The following APP variants were observed in gnomAD, a reference collection of about 807,000 sequenced individuals.
APP encodes the protein amyloid-beta precursor protein.
A neutral mutation model predicts 101.4 loss-of-function variants in APP; 31 were observed. The observed-to-expected ratio is 0.31, with a 90% CI of 0.23 to 0.41. The LOEUF (loss-of-function observed/expected upper bound fraction) is 0.41. Among genes scored for constraint, APP ranks in the 10% least tolerant of loss-of-function variants. APP has a pLI of 1.00. For missense variants in APP, 839 were observed against 1,003.7 expected (o/e 0.84, Z 2.22); for synonymous variants, 366 against 364.4 (o/e 1.00, Z -0.05).
At chr21:25,892,964 A>AAAAAAC (rs1555889466) in intron 16 of APP, among the ~76,000 whole-genome samples, 7 of 151,224 alleles carry the variant, frequency 4.6e-5, no homozygotes, top group African/African-American at 1.7e-4. Flanking sequence ...AAAAAAAACA[A>AAAAAAC]AAAGGTTTCT....
intron 13 of APP, among the ~76,000 whole-genome samples, chr21:25,947,211 A>AT (rs1319054322): frequency 6.6e-6 from 1 of 152,230 alleles, no homozygotes; most frequent in Non-Finnish European, 1.5e-5. Context: ...TACAGATTCC[A>AT]TAATTAAGCT....
chr21:25,912,947 C>T (rs773607848), intron 13 of APP, among the ~76,000 whole-genome samples: 34 of 151,992 alleles, frequency 2.2e-4, no homozygotes, highest in Non-Finnish European at 4.1e-4. Flanking sequence ...AATTAGAGAC[C>T]GACAGACAGC....
intron 3 of APP, among the ~76,000 whole-genome samples, chr21:26,081,615 A>G (rs2061601019): frequency 6.6e-6 from 1 of 152,188 alleles, no homozygotes; most frequent in Non-Finnish European, 1.5e-5. Flanking sequence ...GAATACGTGC[A>G]GGTCACAGGG....
Position 26,105,119 on chromosome 21 carries a change from A to C in APP, c.225+6860T>G, listed in dbSNP as rs2062153715. 2.6e-5 allele frequency among the ~76,000 whole-genome samples: 4 copies of C among 152,004 alleles called. No individual in the cohort carries two copies. The South Asian group carries it at 8.3e-4, about 32-fold the overall frequency. Reference sequence around the variant, plus strand: ...AAGAATTTGCCCAATGACAGATACCAGAATACCGTGAATTTTCATGGTGCT... The same window carrying C: ...AAGAATTTGCCCAATGACAGATACCCGAATACCGTGAATTTTCATGGTGCT... On this transcript the variant is annotated intron_variant, in intron 2 of 17. Coordinates refer to ENST00000346798, the MANE Select transcript of APP (RefSeq NM_000484.4).
chr21:25,987,546 C>A (rs2042684964), intron 8 of APP, among the ~76,000 whole-genome samples: 1 of 152,176 alleles, frequency 6.6e-6, no homozygotes, highest in South Asian at 2.1e-4. Context: ...TAATAGTGAT[C>A]ATGTGTATCT....
intron 3 of APP, among the ~76,000 whole-genome samples, chr21:26,065,480 A>G (rs956100921): frequency 2.0e-5 from 3 of 152,198 alleles, no homozygotes; most frequent in South Asian, 4.1e-4. Context: ...AAATTCAAGA[A>G]TTTCAAAATT....
At chr21:26,055,754 C>T (rs1236659332) in intron 3 of APP, among the ~76,000 whole-genome samples, 2 of 152,136 alleles carry the variant, frequency 1.3e-5, no homozygotes, top group Non-Finnish European at 2.9e-5. Context: ...AGATTAAATG[C>T]CTGTCATGTA....
chr21:25,944,218 G>A (rs891268238), intron 13 of APP, among the ~76,000 whole-genome samples: 1 of 152,196 alleles, frequency 6.6e-6, no homozygotes, highest in African/African-American at 2.4e-5. Flanking sequence ...TGAAGTCAAT[G>A]AATCCATCAA....
chr21:26,067,049 C>G (rs1396416224), intron 3 of APP, among the ~76,000 whole-genome samples: 1 of 152,168 alleles, frequency 6.6e-6, no homozygotes, highest in African/African-American at 2.4e-5. Context: ...AGATATAGTT[C>G]TGGACCAAAA....
intron 9 of APP, 152 bp from the exon 10 acceptor site, chr21:25,976,180 T>C: frequency 1.6e-6 from 1 of 639,088 alleles, no homozygotes; most frequent in Non-Finnish European, 2.8e-6. Context: ...GAAGAATATT[T>C]GACCTCCCAC....
intron 3 of APP, among the ~76,000 whole-genome samples, chr21:26,083,045 G>C (rs1285193029): frequency 6.6e-6 from 1 of 152,118 alleles, no homozygotes; most frequent in Non-Finnish European, 1.5e-5. Flanking sequence ...AAAAATCATA[G>C]CTAAATGTAG....
chr21:25,936,587 C>CT (rs2040373793), intron 13 of APP, among the ~76,000 whole-genome samples: 2 of 152,208 alleles, frequency 1.3e-5, no homozygotes, highest in Admixed American at 1.3e-4. Flanking sequence ...CTCTTTCTCT[C>CT]TGAGAAAGAC....
intron 1 of APP, among the ~76,000 whole-genome samples, chr21:26,164,719 G>A (rs425860): frequency 0.033 from 5,080 of 152,006 alleles, 220 homozygotes; most frequent in East Asian, 0.2. Flanking sequence ...AGCTGGGCAT[G>A]GTGGCGAGTG....
At chr21:26,045,198 T>C (rs1028781567) in intron 5 of APP, among the ~76,000 whole-genome samples, 1 of 152,338 alleles carries the variant, frequency 6.6e-6, no homozygotes, top group Middle Eastern at 3.4e-3. Flanking sequence ...GATGGCTATA[T>C]TCTCTCTTCA....
At chr21:26,058,146 C>T (rs559782716) in intron 3 of APP, among the ~76,000 whole-genome samples, 65 of 152,296 alleles carry the variant, frequency 4.3e-4, no homozygotes, top group African/African-American at 1.4e-3. Flanking sequence ...GTTTTATCCT[C>T]GTGTTTTATG....
chr21:26,049,200 G>A (rs2045734978), intron 5 of APP, among the ~76,000 whole-genome samples: 1 of 152,136 alleles, frequency 6.6e-6, no homozygotes, highest in Non-Finnish European at 1.5e-5. Flanking sequence ...GAGGGAGACT[G>A]AAAATGCAAG....
rs572651381 is a variant in APP at position 26,154,911 on chromosome 21, T to C, written c.57+15653A>G. On this transcript the variant is annotated intron_variant, in intron 1 of 17. Coordinates refer to ENST00000346798, the MANE Select transcript of APP (RefSeq NM_000484.4). ...TGTCCAATACAGTAACCACTAGCCA[T>C]CTGTGGCTACTAAGTACTTGACATG... Among the ~76,000 whole-genome samples the C allele has an allele frequency of 1.2e-4, 19 of 152,342 alleles. No individual in the cohort carries two copies. In the South Asian group the frequency reaches 3.7e-3, roughly 30 times the overall value.
intron 2 of APP, among the ~76,000 whole-genome samples, chr21:26,102,861 G>C (rs1419185690): frequency 3.2e-5 from 4 of 125,068 alleles, no homozygotes; most frequent in Non-Finnish European, 6.2e-5. Context: ...CTGCACTCCA[G>C]CCTGGTTGAT....
intron 15 of APP, among the ~76,000 whole-genome samples, chr21:25,901,295 TTAAAAAAA>T (rs1173517168): frequency 1.3e-4 from 10 of 75,298 alleles, no homozygotes; most frequent in South Asian, 3.7e-4. Flanking sequence ...AAATCCTGTT[TTAAAAAAA>T]AAAAAAAAAA....
Sources: gnomAD v4.1 joint callset for allele counts (sites outside exome capture counted in the v4.1 genomes callset) on GRCh38, gnomAD v4.1.1 for gene constraint, MANE v1.5 for transcripts, NCBI Gene and HGNC (gene_info 2026-07-23, HGNC 2026-07-21) for gene names.